The following COL4A2 variants were observed in gnomAD, a reference collection of about 807,000 sequenced individuals.
COL4A2 encodes the protein collagen alpha-2(IV) chain.
COL4A2 carries 99 observed loss-of-function variants against 200.2 expected under a neutral mutation model. That is an observed-to-expected ratio of 0.49 (90% CI 0.42 to 0.58). COL4A2 has a LOEUF of 0.58. Ranked by LOEUF, COL4A2 falls within the 20% of genes least tolerant of loss-of-function variation. The probability of loss-of-function intolerance (pLI) is 0.00; values close to 1 mark genes in which losing one functional copy is unlikely to be tolerated. For synonymous variants in COL4A2, 897 were observed against 900.6 expected, an observed-to-expected ratio of 1.00 and a Z score of 0.07; for missense variants, 1,950 against 2,314.1, an observed-to-expected ratio of 0.84 and a Z score of 3.23.
chr13:110,489,542 C>A, intron 35 of COL4A2, 34 bp downstream of exon 35: 1 of 1,612,272 alleles, frequency 6.2e-7, no homozygotes, highest in Non-Finnish European at 8.5e-7. Context: ...AACAGGGAGT[C>A]CACAATTCAG....
chr13:110,427,825 T>A (rs4773183), intron 6 of COL4A2, among the ~76,000 whole-genome samples: 86,596 of 152,084 alleles, frequency 0.57, 26,209 homozygotes, highest in East Asian at 0.79. Flanking sequence ...TTTATATTCA[T>A]GTTTAAAATC....
intron 43 of COL4A2, 101 bp from the exon 44 acceptor site, chr13:110,503,746 G>C: frequency 7.0e-7 from 1 of 1,419,636 alleles, no homozygotes; most frequent in Non-Finnish European, 9.8e-7. Context: ...TGTCTGGGAA[G>C]CTCCAAAAGA....
At chr13:110,471,600 A>G (rs1317987744) in intron 28 of COL4A2, among the ~76,000 whole-genome samples, 1 of 152,214 alleles carries the variant, frequency 6.6e-6, no homozygotes, top group Non-Finnish European at 1.5e-5. Flanking sequence ...ATGTCTCTTC[A>G]TTGTGAGTAA....
intron 4 of COL4A2, among the ~76,000 whole-genome samples, chr13:110,369,330 C>G (rs1446010131): frequency 6.6e-6 from 1 of 152,212 alleles, no homozygotes; most frequent in African/African-American, 2.4e-5. Context: ...CTTTTGAGCA[C>G]CGACCTGGCA....
chr13:110,316,873 T>G (rs943544187), intron 3 of COL4A2, among the ~76,000 whole-genome samples: 1 of 151,918 alleles, frequency 6.6e-6, no homozygotes, highest in African/African-American at 2.4e-5. Context: ...ATACAGAAAT[T>G]GTGGTACATG....
At chr13:110,491,934 ATC>A (rs886409167) in intron 37 of COL4A2, 134 bp from the exon 38 acceptor site, 6 of 660,040 alleles carry the variant, frequency 9.1e-6, no homozygotes, top group Non-Finnish European at 1.5e-5. Context: ...GACAGTTCTA[ATC>A]TCTCCTCCAA....
chr13:110,507,882 G>T, intron 46 of COL4A2, 53 bp from the exon 47 acceptor site: 4 of 1,569,378 alleles, frequency 2.5e-6, no homozygotes, highest in Non-Finnish European at 3.5e-6. Context: ...GGGGCTGGCA[G>T]GTGCGTCTTC....
At position 110,503,466 on chromosome 13, in the gene COL4A2, G is replaced by A. The variant is rs368612819; in HGVS notation, c.4123G>A (p.Asp1375Asn). The A allele has an allele frequency of 5.8e-5, 90 of 1,561,858 alleles. No homozygotes were observed. Among genetic ancestry groups the A allele is most frequent in the Non-Finnish European group, 7.4e-5 (85 of 1,150,340 alleles). ...GDRGPKGPKG[D>N]PGFPGAPGTV... ...CAGAGGCCCCAAGGGACCCAAGGGAGACCCAGGATTCCCTGGTAAGTGACC... is the reference window on the plus strand; with the variant it reads ...CAGAGGCCCCAAGGGACCCAAGGGAAACCCAGGATTCCCTGGTAAGTGACC... The change falls in exon 43 of 48, where the codon GAC becomes AAC. Residue 1375 changes from aspartate to asparagine, a missense_variant. Physicochemically the swap from Asp to Asn is conservative, Grantham distance 23 (BLOSUM62 1). This residue lies in a region of COL4A2 where 1,385 missense variants were observed against 1,720.5 expected (regional missense o/e 0.80). Coordinates refer to ENST00000360467, the MANE Select transcript of COL4A2 (RefSeq NM_001846.4).
intron 4 of COL4A2, among the ~76,000 whole-genome samples, chr13:110,408,611 G>T (rs1230923509): frequency 6.6e-6 from 1 of 152,190 alleles, no homozygotes; most frequent in Non-Finnish European, 1.5e-5. Flanking sequence ...TCCTTTAGGA[G>T]TGAGGAAGCG....
intron 3 of COL4A2, among the ~76,000 whole-genome samples, chr13:110,314,088 G>A (rs540219290): frequency 1.4e-4 from 21 of 152,364 alleles, no homozygotes; most frequent in African/African-American, 3.4e-4. Flanking sequence ...AGATTCTAGC[G>A]GAGGCTGCAG....
chr13:110,443,849 G>A (rs371711586), intron 16 of COL4A2, among the ~76,000 whole-genome samples: 14 of 152,142 alleles, frequency 9.2e-5, no homozygotes, highest in Non-Finnish European at 1.5e-4. Flanking sequence ...CCATCCCTGC[G>A]CCTCCCCGAC....
rs1169740742 is a variant in COL4A2 at position 110,504,000 on chromosome 13, T to G, written c.4285+7T>G. ...GGCCCCCCCGGAGAACCAGGTAGAG[T>G]GCTGAGCTGGGGCCTGGAGCCCCTC... On this transcript the variant is annotated splice_region_variant and intron_variant, in intron 44 of 47. Transcript: ENST00000360467. 4 of 1,555,726 alleles carry G rather than the reference T, an allele frequency of 2.6e-6. No homozygotes were observed. The highest frequency in any genetic ancestry group is 3.5e-6 in the Non-Finnish European group (4 of 1,154,642).
At chr13:110,358,967 TA>T (rs1877402696) in intron 4 of COL4A2, among the ~76,000 whole-genome samples, 1 of 152,218 alleles carries the variant, frequency 6.6e-6, no homozygotes, top group African/African-American at 2.4e-5. Flanking sequence ...TGTGCATATA[TA>T]AAGCAATGAT....
At chr13:110,467,243 C>T (rs1402399776) in intron 27 of COL4A2, 147 bp downstream of exon 27, 19 of 1,041,752 alleles carry the variant, frequency 1.8e-5, no homozygotes, top group East Asian at 1.1e-4. Context: ...ACTGGTCTTG[C>T]GCCTACAGGG....
chr13:110,445,924 C>A (rs1410346480), intron 17 of COL4A2, 42 bp downstream of exon 17: 1 of 1,610,374 alleles, frequency 6.2e-7, no homozygotes, highest in East Asian at 2.2e-5. Flanking sequence ...TGGTGTCTCG[C>A]CCACCCTGGC....
intron 16 of COL4A2, among the ~76,000 whole-genome samples, chr13:110,441,352 A>G (rs930102705): frequency 1.3e-5 from 2 of 152,210 alleles, no homozygotes; most frequent in Non-Finnish European, 2.9e-5. Flanking sequence ...CTGGCTCTAG[A>G]CACGGGCCGT....
chr13:110,314,180 A>T (rs1283220533), intron 3 of COL4A2, among the ~76,000 whole-genome samples: 1 of 152,228 alleles, frequency 6.6e-6, no homozygotes, highest in Non-Finnish European at 1.5e-5. Flanking sequence ...ATAAAATGTC[A>T]ATATGACATC....
chr13:110,457,597 A>T (rs763378735), intron 21 of COL4A2, 162 bp downstream of exon 21: 3 of 701,658 alleles, frequency 4.3e-6, no homozygotes, highest in Non-Finnish European at 8.0e-6. Context: ...ACTGAGAGGG[A>T]GGCGCATGGA....
chr13:110,326,149 AGGAGCTTCCACCTC>A (rs1424902129), intron 3 of COL4A2, among the ~76,000 whole-genome samples: 8 of 152,304 alleles, frequency 5.3e-5, no homozygotes, highest in Middle Eastern at 3.4e-3. Context: ...CCCAGGGGTG[AGGAGCTTCCACCTC>A]GGAGTTCAAA....
Sources: gnomAD v4.1 joint callset for allele counts (sites outside exome capture counted in the v4.1 genomes callset) on GRCh38, gnomAD v4.1.1 for gene constraint, gnomAD v4.1.1 regional missense constraint, MANE v1.5 for transcripts, NCBI Gene and HGNC (gene_info 2026-07-23, HGNC 2026-07-21) for gene names.